PARVB: variants seen among roughly 807,000 people sequenced by gnomAD.
The protein encoded by PARVB is parvin beta.
A neutral mutation model predicts 47.0 loss-of-function variants in PARVB; 46 were observed. The observed-to-expected ratio is 0.98, with a 90% CI of 0.77 to 1.25. The LOEUF (loss-of-function observed/expected upper bound fraction) is 1.25, where lower values mean the gene tolerates loss of function less well. PARVB is among the 50% of genes most tolerant of loss of function. The pLI, the probability that PARVB is intolerant of heterozygous loss-of-function variation, is 0.00. For missense variants in PARVB, 473 were observed against 471.6 expected, an observed-to-expected ratio of 1.00 and a Z score of -0.03; for synonymous variants, 196 against 196.3, an observed-to-expected ratio of 1.00 and a Z score of 0.01.
chr22:44,045,211 A>G (rs1048054686), intron 1 of PARVB, among the ~76,000 whole-genome samples: 1 of 152,112 alleles, frequency 6.6e-6, no homozygotes, highest in Admixed American at 6.6e-5. Context: ...TTATGATTGC[A>G]CCACTGCACT....
intron 2 of PARVB, among the ~76,000 whole-genome samples, chr22:44,012,722 A>G (rs1211349165): frequency 7.0e-6 from 1 of 143,852 alleles, no homozygotes; most frequent in Non-Finnish European, 1.5e-5. Context: ...CTGAAAATGA[A>G]CAACACAAGA....
At position 44,068,278 on chromosome 22, in the gene PARVB, T is replaced by G. The variant is rs2051578052; in HGVS notation, c.113-25650T>G. On this transcript the variant is annotated intron_variant, in intron 1 of 12. Coordinates refer to ENST00000338758, the MANE Select transcript of PARVB (RefSeq NM_013327.5). The surrounding 1 kb of genome is among the most constrained non-coding windows in gnomAD (Gnocchi z 4.1). Reference sequence around the variant, plus strand: ...TTCCCACAGCAGCACATGAGGCTGGTCATTGTTAATAACCCCTTTTTACCG... The same window carrying G: ...TTCCCACAGCAGCACATGAGGCTGGGCATTGTTAATAACCCCTTTTTACCG... Among the ~76,000 whole-genome samples, 1 of 152,142 alleles carries G rather than the reference T, an allele frequency of 6.6e-6. No homozygotes were observed. The highest frequency in any genetic ancestry group is 2.4e-5 in the African/African-American group (1 of 41,428).
Position 44,063,851 on chromosome 22 carries a change from C to T in PARVB, c.113-30077C>T, listed in dbSNP as rs529881260. Among the ~76,000 whole-genome samples, 266 of 152,258 alleles carry T rather than the reference C, an allele frequency of 1.7e-3. 2 individuals are homozygous for T. Among genetic ancestry groups the T allele is most frequent in the African/African-American group, 6.2e-3 (256 of 41,544 alleles). Reference sequence around the variant, plus strand: ...GAAGCTCTCAATGACCAGGCCAGCTCGGATTCCCAGTTCTGGCCGAGCCGA... The same window carrying T: ...GAAGCTCTCAATGACCAGGCCAGCTTGGATTCCCAGTTCTGGCCGAGCCGA... On this transcript the variant is annotated intron_variant, in intron 1 of 12. Transcript: ENST00000338758.
upstream of PARVB, among the ~76,000 whole-genome samples, chr22:44,019,371 C>T (rs2050620354): frequency 6.6e-6 from 1 of 151,216 alleles, no homozygotes; most frequent in South Asian, 2.1e-4. Flanking sequence ...AGGCATGCAT[C>T]ATGACACCCA....
At chr22:44,139,172 A>G (rs895572736) in intron 7 of PARVB, 1 of 152,254 alleles carries the variant, frequency 6.6e-6, no homozygotes, top group Non-Finnish European at 1.5e-5. Flanking sequence ...TCCTGGAAAC[A>G]TGAGTAACCT....
chr22:44,138,402 T>C (rs773675431), intron 7 of PARVB, among the ~76,000 whole-genome samples: 4 of 152,148 alleles, frequency 2.6e-5, no homozygotes, highest in Non-Finnish European at 5.9e-5. Flanking sequence ...TTTTCTAGCC[T>C]GAGTCAGTGT....
chr22:44,023,441 G>A (rs527660886), upstream of PARVB, among the ~76,000 whole-genome samples: 311 of 152,080 alleles, frequency 2.0e-3, 2 homozygotes, highest in African/African-American at 6.9e-3. Flanking sequence ...AACTCAGGAG[G>A]TGGAGGTTGC....
chr22:44,047,750 T>C (rs1010217779), intron 1 of PARVB, among the ~76,000 whole-genome samples: 12 of 152,170 alleles, frequency 7.9e-5, no homozygotes, highest in Admixed American at 7.9e-4. Context: ...TTCCAACATA[T>C]CTTTTTTTGG....
rs2053898305 is a variant in PARVB, at chr22:44,155,013, G to A, written c.844-2969G>A. On this transcript the variant is annotated intron_variant, in intron 10 of 12. Coordinates refer to ENST00000338758, the MANE Select transcript of PARVB (RefSeq NM_013327.5). The surrounding 1 kb of genome is among the most constrained non-coding windows in gnomAD (Gnocchi z 4.8). ...TTTTTGTAGTCTGTGTGGTGTGTGTGTGTGGTTTTTGTAGTCTGTGTGGTG... is the reference window on the plus strand; with the variant it reads ...TTTTTGTAGTCTGTGTGGTGTGTGTATGTGGTTTTTGTAGTCTGTGTGGTG... 8.7e-6 allele frequency among the ~76,000 whole-genome samples: 1 copy of A among 114,836 alleles called. No individual in the cohort carries two copies. Among genetic ancestry groups the A allele is most frequent in the South Asian group, 3.7e-4 (1 of 2,672 alleles). The allele number at this position is 114,836 out of a possible 152,430, so 75.3% of individuals were successfully genotyped here. A position where few individuals can be genotyped will look rare whatever the true frequency, so the allele number is the denominator to read the frequency against.
chr22:44,029,147 G>A (rs1053565930), intron 1 of PARVB, among the ~76,000 whole-genome samples: 1 of 152,012 alleles, frequency 6.6e-6, no homozygotes, highest in Non-Finnish European at 1.5e-5. Flanking sequence ...ACCATGCCCA[G>A]CTAATTTTTC....
intron 4 of PARVB, among the ~76,000 whole-genome samples, chr22:44,124,281 A>C (rs541791215): frequency 8.4e-4 from 128 of 152,340 alleles, no homozygotes; most frequent in African/African-American, 3.1e-3. Flanking sequence ...CAGGGTCCAC[A>C]AATGCCTGTG....
intron 9 of PARVB, chr22:44,148,138 C>T (rs934998268): frequency 2.8e-5 from 16 of 578,554 alleles, no homozygotes; most frequent in East Asian, 1.2e-4. Flanking sequence ...TCTTCCTGCC[C>T]GCCCGCTCCG....
Position 44,137,618 on chromosome 22 carries a change from C to T in PARVB, c.692+1100C>T, listed in dbSNP as rs376119589. Among the ~76,000 whole-genome samples the T allele has an allele frequency of 1.2e-4, 18 of 152,274 alleles. No individual in the cohort carries two copies. The East Asian group carries it at 1.9e-3, about 16-fold the overall frequency. The stretch of plus-strand genomic sequence containing the variant: ...AGCTGGGCGGTTGTTCAGCCAGTCT[C>T]GCCTGGGGTTGCTCATATGATGCAG... On this transcript the variant is annotated intron_variant, in intron 7 of 12. Coordinates refer to ENST00000338758, the MANE Select transcript of PARVB (RefSeq NM_013327.5).
At chr22:44,039,854 G>C (rs1006664931) in intron 1 of PARVB, 7 of 455,434 alleles carry the variant, frequency 1.5e-5, no homozygotes, top group African/African-American at 1.4e-4. Flanking sequence ...TCACTCTGAT[G>C]CCCAGGCTGA....
chr22:44,147,774 G>A (rs1190083917), intron 8 of PARVB, 87 bp from the exon 9 acceptor site: 5 of 1,056,608 alleles, frequency 4.7e-6, no homozygotes, highest in African/African-American at 3.1e-5. Flanking sequence ...ACCTCCTGAG[G>A]GATCAGAAGC....
chr22:44,013,268 T>C (rs1308990323), intron 2 of PARVB, among the ~76,000 whole-genome samples: 1 of 152,338 alleles, frequency 6.6e-6, no homozygotes, highest in Admixed American at 6.5e-5. Flanking sequence ...AACTCACACA[T>C]GTAAAGAATC....
intron 1 of PARVB, among the ~76,000 whole-genome samples, chr22:44,079,693 C>T (rs11703589): frequency 0.038 from 5,766 of 152,172 alleles, 284 homozygotes; most frequent in African/African-American, 0.11. Flanking sequence ...TTTGGGAGGC[C>T]GAGGTGGGTG....
chr22:44,134,696 C>T (rs926125268), intron 6 of PARVB, among the ~76,000 whole-genome samples: 6 of 152,082 alleles, frequency 3.9e-5, no homozygotes, highest in African/African-American at 1.2e-4. Flanking sequence ...GCTCAGGGGA[C>T]CCCTTATCTA....
chr22:44,100,679 G>A (rs996112972), intron 3 of PARVB, among the ~76,000 whole-genome samples: 5 of 152,212 alleles, frequency 3.3e-5, no homozygotes, highest in African/African-American at 1.2e-4. Flanking sequence ...CATGGTGCTG[G>A]CCTTCTTGGG....
Sources: allele counts gnomAD v4.1 joint callset (sites outside exome capture counted in the v4.1 genomes callset), GRCh38; gene constraint gnomAD v4.1.1; non-coding constraint Gnocchi (gnomAD v3.1); transcripts MANE v1.5; gene names NCBI Gene and HGNC (gene_info 2026-07-23, HGNC 2026-07-21).